The following NTRK2 variants were observed in gnomAD, a reference collection of about 807,000 sequenced individuals.
The protein encoded by NTRK2 is neurotrophic receptor tyrosine kinase 2.
In NTRK2, 13 loss-of-function variants were observed where a neutral mutation model predicts 94.5. The ratio of observed to expected loss-of-function variants is 0.14; its 90% CI spans 0.09 to 0.22. The LOEUF (loss-of-function observed/expected upper bound fraction) is 0.22, where lower values mean the gene tolerates loss of function less well. Ranked by LOEUF, NTRK2 falls within the 10% of genes least tolerant of loss-of-function variation. The pLI, the probability that NTRK2 is intolerant of heterozygous loss-of-function variation, is 1.00. For synonymous variants in NTRK2, 372 were observed against 407.4 expected, an observed-to-expected ratio of 0.91 and a Z score of 1.05; for missense variants, 639 against 1,071.2, an observed-to-expected ratio of 0.60 and a Z score of 5.63.
chr9:84,784,476 G>A (rs2067928297), intron 12 of NTRK2, among the ~76,000 whole-genome samples: 2 of 152,194 alleles, frequency 1.3e-5, no homozygotes, highest in South Asian at 4.1e-4. Flanking sequence ...TGTGGTGGAA[G>A]TGAAATTAGA....
At chr9:84,877,208 A>T in intron 14 of NTRK2, 4 of 1,065,374 alleles carry the variant, frequency 3.8e-6, no homozygotes, top group Non-Finnish European at 4.5e-6. Context: ...CTAATGGCTG[A>T]TTCATCGGCA....
Position 84,859,331 on chromosome 9 carries a change from A to C in NTRK2, c.1397-1709A>C, listed in dbSNP as rs538932551. Among the ~76,000 whole-genome samples the C allele has an allele frequency of 1.5e-3, 230 of 152,292 alleles. 2 individuals carry two copies. Among genetic ancestry groups the C allele is most frequent in the Non-Finnish European group, 2.9e-4 (20 of 68,034 alleles). On this transcript the variant is annotated intron_variant, in intron 12 of 18. Transcript: ENST00000277120. ...TTCCCGTTGGGTAGAGCTCAAAAACACACTTCTACCCTCTCAAATACTGTT... is the reference window on the plus strand; with the variant it reads ...TTCCCGTTGGGTAGAGCTCAAAAACCCACTTCTACCCTCTCAAATACTGTT...
At chr9:84,670,982 T>A in intron 2 of NTRK2, 22 bp downstream of exon 2, 4 of 1,598,908 alleles carry the variant, frequency 2.5e-6, no homozygotes, top group Non-Finnish European at 3.4e-6. Context: ...GAGCTTTTCC[T>A]CCTTTTTCTC....
chr9:84,924,997 G>T (rs544998671), intron 14 of NTRK2, among the ~76,000 whole-genome samples: 9 of 152,214 alleles, frequency 5.9e-5, no homozygotes, highest in South Asian at 2.1e-4. Flanking sequence ...CGCGTGTCTA[G>T]GCCCCTTGGG....
At chr9:84,807,536 A>G (rs547776608) in intron 12 of NTRK2, among the ~76,000 whole-genome samples, 1 of 152,294 alleles carries the variant, frequency 6.6e-6, no homozygotes, top group South Asian at 2.1e-4. Flanking sequence ...GTCTCACGGT[A>G]ACTACCATGC....
At chr9:84,783,858 G>A (rs1310628984) in intron 12 of NTRK2, among the ~76,000 whole-genome samples, 1 of 152,026 alleles carries the variant, frequency 6.6e-6, no homozygotes, top group African/African-American at 2.4e-5. Flanking sequence ...TTGACAGTAT[G>A]GACAGAATTT....
At chr9:84,803,571 A>G (rs989607863) in intron 12 of NTRK2, among the ~76,000 whole-genome samples, 3 of 152,142 alleles carry the variant, frequency 2.0e-5, no homozygotes, top group Non-Finnish European at 2.9e-5. Context: ...GGGTCTGGGG[A>G]TGACCACTTG....
intron 12 of NTRK2, among the ~76,000 whole-genome samples, chr9:84,789,166 C>G (rs551795555): frequency 6.6e-6 from 1 of 151,998 alleles, no homozygotes; most frequent in African/African-American, 2.4e-5. Flanking sequence ...TTCAATGGCA[C>G]GCAGGGGGAG....
At chr9:84,765,749 G>A (rs2065969278) in intron 12 of NTRK2, among the ~76,000 whole-genome samples, 1 of 152,078 alleles carries the variant, frequency 6.6e-6, no homozygotes, top group African/African-American at 2.4e-5. Context: ...AAGATCTGTG[G>A]TAACAAGAGA....
rs1213708865 is a variant in NTRK2, at chr9:84,719,489, TG to T, written c.584-4083del. Among the ~76,000 whole-genome samples, 3 of 152,206 alleles carry T rather than the reference TG, an allele frequency of 2.0e-5. No individual in the cohort carries two copies. The East Asian group carries it at 5.8e-4, about 29-fold the overall frequency. On this transcript the variant is annotated intron_variant, in intron 6 of 18. Coordinates refer to ENST00000277120, the MANE Select transcript of NTRK2 (RefSeq NM_006180.6). ...AACATTATGACATAACATTTCCTAC[TG>T]AGAATCTCTTTATTTTAACCTTTCT...
At chr9:84,991,045 G>A (rs1237810096) in intron 17 of NTRK2, among the ~76,000 whole-genome samples, 3 of 152,174 alleles carry the variant, frequency 2.0e-5, no homozygotes, top group African/African-American at 7.2e-5. Flanking sequence ...CTGCCTCCAA[G>A]CAACTTGGCC....
chr9:84,835,963 C>T (rs1018585505), intron 12 of NTRK2, among the ~76,000 whole-genome samples: 4 of 152,116 alleles, frequency 2.6e-5, no homozygotes, highest in Non-Finnish European at 5.9e-5. Flanking sequence ...AAGAGTAAGA[C>T]AGGATTTACT....
chr9:84,938,626 G>C (rs954968787), intron 15 of NTRK2, among the ~76,000 whole-genome samples: 8 of 152,200 alleles, frequency 5.3e-5, no homozygotes, highest in African/African-American at 1.9e-4. Context: ...TCCCCAGGAT[G>C]GCAATAGTGC....
chr9:84,821,512 T>A (rs909046614), intron 12 of NTRK2, among the ~76,000 whole-genome samples: 10 of 152,192 alleles, frequency 6.6e-5, no homozygotes, highest in African/African-American at 2.2e-4. Context: ...TTGCTCTTTG[T>A]TTTTACTTCC....
rs1226529948 is a variant in NTRK2 at position 84,944,211 on chromosome 9, T to TCA, written c.1765-4250_1765-4249insAC. On this transcript the variant is annotated intron_variant, in intron 15 of 18. Transcript: ENST00000277120. ...AGCTTGTTCTCTCTCTCTCTCTCTC[T>TCA]CTCTCACACACACACACACACACAC... 1.0e-3 allele frequency among the ~76,000 whole-genome samples: 144 copies of TCA among 139,014 alleles called. 1 individual carries two copies. The highest frequency in any genetic ancestry group is 3.7e-3 in the African/African-American group (130 of 34,982). 91.2% of individuals were successfully genotyped at this position (139,014 alleles called of 152,430 possible).
intron 17 of NTRK2, among the ~76,000 whole-genome samples, chr9:85,006,229 G>T (rs995506132): frequency 6.6e-6 from 1 of 152,184 alleles, no homozygotes; most frequent in Non-Finnish European, 1.5e-5. Flanking sequence ...AGGGAGTTTG[G>T]CAAGAGGGAA....
intron 12 of NTRK2, chr9:84,813,430 AC>A (rs2072032062): frequency 1.9e-6 from 2 of 1,064,130 alleles, no homozygotes; most frequent in South Asian, 9.1e-5. Flanking sequence ...CCAGTTTATT[AC>A]TTTTGTCTTA....
chr9:84,926,589 GA>G (rs2077828997), intron 14 of NTRK2, among the ~76,000 whole-genome samples: 1 of 152,008 alleles, frequency 6.6e-6, no homozygotes, highest in East Asian at 1.9e-4. Context: ...GAAAAACCAA[GA>G]TAAATCACTC....
At chr9:84,776,697 G>A (rs543953794) in intron 12 of NTRK2, among the ~76,000 whole-genome samples, 3 of 152,188 alleles carry the variant, frequency 2.0e-5, no homozygotes, top group Non-Finnish European at 4.4e-5. Flanking sequence ...CAGCATATTT[G>A]TATCAATTCT....
Sources: allele counts gnomAD v4.1 joint callset (sites outside exome capture counted in the v4.1 genomes callset), GRCh38; gene constraint gnomAD v4.1.1; transcripts MANE v1.5; gene names NCBI Gene and HGNC (gene_info 2026-07-23, HGNC 2026-07-21).